The following GALNT16 variants were observed in gnomAD, a reference collection of about 807,000 sequenced individuals.
GALNT16 encodes UDP-GalNAc:polypeptide N-acetylgalactosaminyltransferase-like protein 1.
Under a neutral mutation model 76.1 loss-of-function variants are expected in GALNT16, and 40 were observed. The ratio of observed to expected loss-of-function variants is 0.53; its 90% confidence interval spans 0.41 to 0.68. The LOEUF is 0.68. Among genes scored for constraint, GALNT16 ranks in the 30% least tolerant of loss-of-function variants. The probability of loss-of-function intolerance (pLI) is 0.00; values close to 1 mark genes in which losing one functional copy is unlikely to be tolerated. For synonymous variants in GALNT16, 276 were observed against 285.2 expected, an observed-to-expected ratio of 0.97 and a Z score of 0.32; for missense variants, 621 against 731.9, an observed-to-expected ratio of 0.85 and a Z score of 1.75.
At position 69,325,976 on chromosome 14, in the gene GALNT16, C is replaced by T. The variant is rs756542419; in HGVS notation, c.517C>T (p.Leu173Phe). 11 of 1,613,880 alleles carry T rather than the reference C, an allele frequency of 6.8e-6. No homozygotes were observed. The highest frequency in any genetic ancestry group is 8.5e-6 in the Non-Finnish European group (10 of 1,179,858). Residue 173 changes from leucine to phenylalanine, a missense_variant, in exon 5 of 15, where the codon CTC (leucine) becomes TTC (phenylalanine). By Grantham distance (22) the Leu-to-Phe change is conservative. Coordinates refer to ENST00000448469, the MANE Select transcript of GALNT16 (RefSeq NM_001168368.2). The part of the protein sequence containing the change: ...DFSSDPEDCL[L>F]LTRIPKVKCL... ...TGCATCCTCAGCGGAAGACTGTCTA[C>T]TCCTGACCAGGATCCCCAAGGTCAA...
At chr14:69,364,968 G>A in the GALNT16 span, among the ~76,000 whole-genome samples, 9 of 152,200 alleles carry the variant, frequency 5.9e-5, no homozygotes, top group African/African-American at 1.9e-4. The surrounding 1 kb of genome is among the most constrained non-coding windows in gnomAD (Gnocchi z 4.2). Flanking sequence ...AGGAAATCAA[G>A]GTTCAGAGAT....
At chr14:69,332,100 G>A (rs1374000231) in intron 7 of GALNT16, among the ~76,000 whole-genome samples, 1 of 152,226 alleles carries the variant, frequency 6.6e-6, no homozygotes, top group African/African-American at 2.4e-5. Flanking sequence ...CCCAGACTTA[G>A]TGTGAAAGAA....
At chr14:69,326,796 C>G in intron 5 of GALNT16, among the ~76,000 whole-genome samples, 1 of 152,216 alleles carries the variant, frequency 6.6e-6, no homozygotes, top group East Asian at 1.9e-4. Context: ...GCCCACTGTG[C>G]CTGTTGTACA....
intron 1 of GALNT16, among the ~76,000 whole-genome samples, chr14:69,303,714 A>C (rs560276229): frequency 1.3e-4 from 20 of 152,282 alleles, no homozygotes; most frequent in African/African-American, 3.6e-4. Flanking sequence ...AAGGTCCGTA[A>C]TTTTTACACA....
the GALNT16 span, among the ~76,000 whole-genome samples, chr14:69,368,114 G>A: frequency 5.9e-5 from 9 of 152,180 alleles, no homozygotes; most frequent in Non-Finnish European, 1.5e-5. Flanking sequence ...TTAGAGGGTA[G>A]TGATGGATGT....
intron 10 of GALNT16, among the ~76,000 whole-genome samples, chr14:69,339,061 T>C (rs946789783): frequency 2.0e-5 from 3 of 152,014 alleles, no homozygotes; most frequent in African/African-American, 7.3e-5. Context: ...TCTCCACTCA[T>C]GGAGCCCCGA....
intron 1 of GALNT16, among the ~76,000 whole-genome samples, chr14:69,294,900 G>T (rs1191923935): frequency 6.6e-6 from 1 of 152,000 alleles, no homozygotes. Context: ...TATTTTTGAG[G>T]TTCACCCATG....
chr14:69,341,404 G>A (rs184112482), intron 11 of GALNT16, among the ~76,000 whole-genome samples: 6 of 152,374 alleles, frequency 3.9e-5, no homozygotes, highest in East Asian at 3.9e-4. Context: ...GTGAGAAGCC[G>A]AGAGAAAGGC....
chr14:69,270,588 A>G (rs1358449777), intron 1 of GALNT16, among the ~76,000 whole-genome samples: 2 of 152,216 alleles, frequency 1.3e-5, no homozygotes, highest in African/African-American at 4.8e-5. Flanking sequence ...CTTTCATGTC[A>G]AGGGAAGCTG....
At chr14:69,289,895 A>C (rs969722197) in intron 1 of GALNT16, among the ~76,000 whole-genome samples, 1 of 151,864 alleles carries the variant, frequency 6.6e-6, no homozygotes, top group Non-Finnish European at 1.5e-5. Flanking sequence ...CACCAGGCCC[A>C]GCTAATTTTT....
At chr14:69,307,802 G>GCCTAAGTA (rs560136617) in intron 1 of GALNT16, among the ~76,000 whole-genome samples, 33 of 152,294 alleles carry the variant, frequency 2.2e-4, no homozygotes, top group Admixed American at 8.5e-4. Context: ...TTGCCCATGT[G>GCCTAAGTA]CCTAAGTACC....
intron 12 of GALNT16, among the ~76,000 whole-genome samples, chr14:69,342,025 T>G (rs1366119051): frequency 6.6e-6 from 1 of 152,180 alleles, no homozygotes. Context: ...CAACACTGCA[T>G]TACATAGCAA....
rs1055484186 is a variant in GALNT16, at chr14:69,333,835, AAG to A, written c.967+238_967+239del. 2 of 493,606 alleles carry A rather than the reference AAG, an allele frequency of 4.1e-6. No homozygotes were observed. The highest frequency in any genetic ancestry group is 4.1e-5 in the African/African-American group (2 of 48,954). 30.6% of individuals were successfully genotyped at this position (493,606 alleles called of 1,614,324 possible). On this transcript the variant is annotated intron_variant, in intron 9 of 14. Transcript: ENST00000448469. The surrounding 1 kb of genome is among the most constrained non-coding windows in gnomAD (Gnocchi z 4.2). ...TCCAGAGCCACACAGCTAGTAAACA[AAG>A]AGGTTCTATTTAGGGGGAGCCCGTG...
intron 11 of GALNT16, among the ~76,000 whole-genome samples, chr14:69,340,277 C>T (rs983482088): frequency 8.5e-5 from 13 of 152,096 alleles, no homozygotes; most frequent in African/African-American, 2.7e-4. Context: ...GGACCCCCCA[C>T]GGATACCAGA....
downstream of GALNT16, among the ~76,000 whole-genome samples, chr14:69,360,113 G>A: frequency 6.6e-6 from 1 of 152,176 alleles, no homozygotes; most frequent in South Asian, 2.1e-4. Context: ...AGCACTTTGG[G>A]AGGCTAAGGT....
At chr14:69,323,637 G>A (rs2045235463) in intron 2 of GALNT16, among the ~76,000 whole-genome samples, 1 of 152,098 alleles carries the variant, frequency 6.6e-6, no homozygotes, top group African/African-American at 2.4e-5. Flanking sequence ...GTTTCTCAAG[G>A]GGTAGAAGGC....
At chr14:69,317,246 A>G (rs1333930239) in intron 1 of GALNT16, among the ~76,000 whole-genome samples, 2 of 152,192 alleles carry the variant, frequency 1.3e-5, no homozygotes, top group Non-Finnish European at 2.9e-5. Context: ...AGCAACATGG[A>G]TGGAATGCAG....
intron 1 of GALNT16, among the ~76,000 whole-genome samples, chr14:69,282,807 C>T (rs2044561918): frequency 6.6e-6 from 1 of 152,064 alleles, no homozygotes; most frequent in South Asian, 2.1e-4. Flanking sequence ...GCTAAGATTA[C>T]AGGTACACAC....
chr14:69,321,530 A>G (rs2140164169), intron 2 of GALNT16, among the ~76,000 whole-genome samples: 1 of 152,250 alleles, frequency 6.6e-6, no homozygotes. Context: ...CTGCACGAAC[A>G]GTCTGAGTTC....
Sources: gnomAD v4.1 joint callset for allele counts (sites outside exome capture counted in the v4.1 genomes callset) on GRCh38, gnomAD v4.1.1 for gene constraint, Gnocchi (gnomAD v3.1) non-coding constraint, MANE v1.5 for transcripts, NCBI Gene and HGNC (gene_info 2026-07-23, HGNC 2026-07-21) for gene names.